ENDOD1: variants seen among roughly 807,000 people sequenced by gnomAD.
The protein encoded by ENDOD1 is endonuclease domain-containing 1 protein.
Under a neutral mutation model 6.5 loss-of-function variants are expected in ENDOD1, and 9 were observed. The observed-to-expected ratio is 1.39, with a 90% CI of 0.84 to 2.43. The LOEUF (loss-of-function observed/expected upper bound fraction) is 2.43, where lower values mean the gene tolerates loss of function less well. Among genes scored for constraint, ENDOD1 ranks in the 30% most tolerant of loss-of-function variants. ENDOD1 has a pLI of 0.00. For synonymous variants in ENDOD1, 255 were observed against 255.2 expected, an observed-to-expected ratio of 1.00 and a Z score of 0.01; for missense variants, 648 against 635.5, an observed-to-expected ratio of 1.02 and a Z score of -0.21.
Position 95,090,070 on chromosome 11 carries a change from C to A in ENDOD1, c.143C>A (p.Ala48Glu). 1.2e-6 allele frequency: 2 copies of A among 1,602,110 alleles called. No individual in the cohort carries two copies. The highest frequency in any genetic ancestry group is 8.5e-7 in the Non-Finnish European group (1 of 1,175,608). The change falls in exon 1 of 2, where the codon GCG becomes GAG. Residue 48 changes from alanine to glutamate, a missense_variant. By Grantham distance (107) the Ala-to-Glu change is moderately radical. Transcript: ENST00000278505. ...GCCGGGACCCCGCCTGCGGGGCTGGCGGCCGATTCCCACGTGAAGATCTGT... is the reference window on the plus strand; with the variant it reads ...GCCGGGACCCCGCCTGCGGGGCTGGAGGCCGATTCCCACGTGAAGATCTGT... ...FYAGTPPAGL[A>E]ADSHVKICQR... is the part of the protein sequence containing the mutation.
At chr11:95,114,263 CACA>C (rs1555112249) in intron 1 of ENDOD1, among the ~76,000 whole-genome samples, 2,107 of 151,786 alleles carry the variant, frequency 0.014, 52 homozygotes, top group African/African-American at 0.048. Flanking sequence ...ACTACAAGTG[CACA>C]CCACCATGCC....
chr11:95,092,426 A>G (rs1290388752), intron 1 of ENDOD1, among the ~76,000 whole-genome samples: 2 of 152,156 alleles, frequency 1.3e-5, no homozygotes, highest in Admixed American at 1.3e-4. Flanking sequence ...ACCAGGTAAC[A>G]TGGAGACCCT....
At chr11:95,109,211 A>G (rs781835671) in intron 1 of ENDOD1, among the ~76,000 whole-genome samples, 1 of 152,158 alleles carries the variant, frequency 6.6e-6, no homozygotes, top group Non-Finnish European at 1.5e-5. Flanking sequence ...ATCATCCCCT[A>G]CATGTGCTTA....
At chr11:95,104,517 C>T (rs1859071751) in intron 1 of ENDOD1, among the ~76,000 whole-genome samples, 1 of 151,904 alleles carries the variant, frequency 6.6e-6, no homozygotes, top group African/African-American at 2.4e-5. Context: ...CAGTTTTAAT[C>T]CTGGAGTTTA....
chr11:95,114,273 TG>T (rs1555112255), intron 1 of ENDOD1, among the ~76,000 whole-genome samples: 2,098 of 151,790 alleles, frequency 0.014, 50 homozygotes, highest in African/African-American at 0.048. Context: ...CACACCACCA[TG>T]CCTAGCTAAT....
chr11:95,094,176 A>G (rs183029342), intron 1 of ENDOD1, among the ~76,000 whole-genome samples: 1 of 149,280 alleles, frequency 6.7e-6, no homozygotes, highest in African/African-American at 2.4e-5. Flanking sequence ...TAATTTATAT[A>G]TTCAGTAACA....
rs145927271 is a variant in ENDOD1 at position 95,124,904 on chromosome 11, G to T, written c.301-3473G>T. Among the ~76,000 whole-genome samples, 5 of 152,214 alleles carry T rather than the reference G, an allele frequency of 3.3e-5. No individual in the cohort carries two copies. In the East Asian group the frequency reaches 9.7e-4, roughly 29 times the overall value. On this transcript the variant is annotated intron_variant, in intron 1 of 1. Transcript: ENST00000278505. Reference sequence around the variant, plus strand: ...CCCCACAGTCCTTTATAAGTCCATTGTAAGTCCTGGTTTCTGCTTAACAAC... The same window carrying T: ...CCCCACAGTCCTTTATAAGTCCATTTTAAGTCCTGGTTTCTGCTTAACAAC...
At chr11:95,092,932 G>C (rs782290356) in intron 1 of ENDOD1, among the ~76,000 whole-genome samples, 1 of 152,190 alleles carries the variant, frequency 6.6e-6, no homozygotes, top group East Asian at 1.9e-4. Flanking sequence ...AAGAGGACCC[G>C]CACACAGGGG....
intron 1 of ENDOD1, among the ~76,000 whole-genome samples, chr11:95,125,749 C>T (rs796686147): frequency 2.6e-5 from 4 of 152,146 alleles, no homozygotes; most frequent in African/African-American, 4.8e-5. Context: ...CAGCTTCATC[C>T]GTGTCCCTAC....
At chr11:95,106,673 A>C (rs1205959155) in intron 1 of ENDOD1, among the ~76,000 whole-genome samples, 1 of 152,180 alleles carries the variant, frequency 6.6e-6, no homozygotes, top group African/African-American at 2.4e-5. Flanking sequence ...AAGGACCCAC[A>C]GTATTTTGTT....
chr11:95,130,568 C>G lies in ENDOD1; in HGVS notation c.*989C>G, dbSNP rs1280797549. On this transcript the variant is annotated 3_prime_UTR_variant, in exon 2 of 2. Transcript: ENST00000278505. ...TTTTTCTAATGCATGAAATAAGTAC[C>G]CAGCACAGTAAAAATACTCTGACTT... 2 of 151,836 alleles carry G rather than the reference C, an allele frequency of 1.3e-5. No individual in the cohort carries two copies. Among genetic ancestry groups the G allele is most frequent in the African/African-American group, 2.4e-5 (1 of 41,324 alleles). 9.4% of individuals were successfully genotyped at this position (151,836 alleles called of 1,614,324 possible).
At chr11:95,126,314 C>T (rs1355444770) in intron 1 of ENDOD1, among the ~76,000 whole-genome samples, 1 of 152,148 alleles carries the variant, frequency 6.6e-6, no homozygotes, top group Non-Finnish European at 1.5e-5. Flanking sequence ...GGCCTTGACT[C>T]CCTGGGTGGT....
intron 1 of ENDOD1, among the ~76,000 whole-genome samples, chr11:95,100,639 A>C (rs1371558012): frequency 2.7e-5 from 4 of 149,190 alleles, no homozygotes; most frequent in African/African-American, 7.4e-5. Flanking sequence ...ATGTGCCACC[A>C]CGTCTGGCTA....
At chr11:95,118,662 T>G (rs376574148) in intron 1 of ENDOD1, among the ~76,000 whole-genome samples, 6 of 152,354 alleles carry the variant, frequency 3.9e-5, no homozygotes, top group African/African-American at 1.4e-4. Context: ...CTGCTTGGTG[T>G]TCTATAACCT....
intron 1 of ENDOD1, among the ~76,000 whole-genome samples, chr11:95,126,262 A>G (rs1859311065): frequency 1.3e-5 from 2 of 152,234 alleles, no homozygotes; most frequent in Non-Finnish European, 2.9e-5. Context: ...AGAGATGTGC[A>G]GTTGGACTGC....
chr11:95,103,550 G>A (rs1280165177), intron 1 of ENDOD1, among the ~76,000 whole-genome samples: 2 of 152,150 alleles, frequency 1.3e-5, no homozygotes, highest in Non-Finnish European at 2.9e-5. Flanking sequence ...TTACTTAATC[G>A]GAAAGGCAGA....
intron 1 of ENDOD1, among the ~76,000 whole-genome samples, chr11:95,125,334 A>T (rs371251374): frequency 6.6e-6 from 1 of 152,308 alleles, no homozygotes; most frequent in East Asian, 1.9e-4. Context: ...TGGCTCTGCT[A>T]TATCCTGATC....
intron 1 of ENDOD1, among the ~76,000 whole-genome samples, chr11:95,115,160 T>A (rs1324614154): frequency 1.3e-5 from 2 of 152,204 alleles, no homozygotes; most frequent in Admixed American, 1.3e-4. Context: ...TCCTCTTTGA[T>A]TTCTTTCAGT....
At chr11:95,108,456 C>T (rs782203642) in intron 1 of ENDOD1, among the ~76,000 whole-genome samples, 1 of 149,782 alleles carries the variant, frequency 6.7e-6, no homozygotes, top group Non-Finnish European at 1.5e-5. Flanking sequence ...GCTAAAAGGC[C>T]TTTCAGGAAA....
Sources: allele counts gnomAD v4.1 joint callset (sites outside exome capture counted in the v4.1 genomes callset), GRCh38; gene constraint gnomAD v4.1.1; transcripts MANE v1.5; gene names NCBI Gene and HGNC (gene_info 2026-07-23, HGNC 2026-07-21).